Variants in ANGEL2 observed in about 807,000 individuals in gnomAD.
The protein encoded by ANGEL2 is angel homolog 2.
Under a neutral mutation model 66.0 loss-of-function variants are expected in ANGEL2, and 41 were observed. The ratio of observed to expected loss-of-function variants is 0.62; its 90% CI spans 0.48 to 0.81. ANGEL2 has a LOEUF of 0.81. Among genes scored for constraint, ANGEL2 ranks in the 30% least tolerant of loss-of-function variants. The pLI, the probability that ANGEL2 is intolerant of heterozygous loss-of-function variation, is 0.00. For missense variants in ANGEL2, 561 were observed against 641.6 expected (o/e 0.87, Z 1.36); for synonymous variants, 208 against 226.5 (o/e 0.92, Z 0.73).
intron 5 of ANGEL2, among the ~76,000 whole-genome samples, chr1:213,004,525 G>A (rs2076264904): frequency 1.3e-5 from 2 of 150,848 alleles, no homozygotes; most frequent in Admixed American, 6.6e-5. Flanking sequence ...CAAGCAGTAT[G>A]TTGCCACAGA....
intron 1 of ANGEL2, among the ~76,000 whole-genome samples, chr1:213,014,603 C>G (rs2076590468): frequency 6.6e-6 from 1 of 152,158 alleles, no homozygotes; most frequent in Non-Finnish European, 1.5e-5. Context: ...ACTACAAAAG[C>G]TATTATCTAT....
rs2076021698 is a variant in ANGEL2, at chr1:212,996,636, AAAAAATATATATATATATAT to A, written c.1483+499_1483+518del. 1.4e-4 allele frequency among the ~76,000 whole-genome samples: 6 copies of A among 41,950 alleles called. No homozygotes were observed. In the South Asian group the frequency reaches 6.1e-3, roughly 43 times the overall value. The allele number at this position is 41,950 out of a possible 152,430, so 27.5% of individuals were successfully genotyped here. ...AGACTCTGTATCCAAAAAAAAAAAAAAAAAATATATATATATATATATATATATATATATACTTTTCCTCC... is the reference window on the plus strand; with the variant it reads ...AGACTCTGTATCCAAAAAAAAAAAAAATATATATATATATACTTTTCCTCC... On this transcript the variant is annotated intron_variant, in intron 8 of 8. Coordinates refer to ENST00000366962, the MANE Select transcript of ANGEL2 (RefSeq NM_144567.5).
At chr1:213,011,337 C>A in intron 2 of ANGEL2, 2 of 1,239,750 alleles carry the variant, frequency 1.6e-6, no homozygotes, top group Non-Finnish European at 2.1e-6. Flanking sequence ...ACAAATCCTT[C>A]AAATACCACT....
At chr1:213,000,430 C>T in intron 6 of ANGEL2, 47 bp from the exon 7 acceptor site, 2 of 1,506,556 alleles carry the variant, frequency 1.3e-6, no homozygotes, top group Non-Finnish European at 9.2e-7. Context: ...TCTAGTTTGC[C>T]TTAATATCGT....
chr1:212,999,648 T>C (rs1455572801), intron 7 of ANGEL2, among the ~76,000 whole-genome samples: 1 of 152,190 alleles, frequency 6.6e-6, no homozygotes, highest in Non-Finnish European at 1.5e-5. Flanking sequence ...AATCAAGATA[T>C]TTCAAGAATC....
In ANGEL2 at chr1:212,992,744, A is replaced by C. The variant is rs963419908; in HGVS notation, c.*2297T>G. ...ACAATATATTAATCAGGATATAAAA[A>C]ATTAAATTTTCACAGAGGTTTTCAG... is the stretch of plus-strand genomic sequence containing the variant. On this transcript the variant is annotated 3_prime_UTR_variant, in exon 9 of 9. Coordinates refer to ENST00000366962, the MANE Select transcript of ANGEL2 (RefSeq NM_144567.5). 1 of 152,228 alleles carries C rather than the reference A, an allele frequency of 6.6e-6. No homozygotes were observed. Among genetic ancestry groups the C allele is most frequent in the African/African-American group, 2.4e-5 (1 of 41,462 alleles). 9.4% of individuals were successfully genotyped at this position (152,228 alleles called of 1,614,324 possible).
chr1:213,005,277 G>C lies in ANGEL2; in HGVS notation c.890C>G (p.Pro297Arg), dbSNP rs1439133985. 5 of 1,614,116 alleles carry C rather than the reference G, an allele frequency of 3.1e-6. No homozygotes were observed. In the Admixed American group the frequency reaches 8.3e-5, roughly 27 times the overall value. The part of the protein sequence containing the change: ...GLVLLLQPKI[P>R]YAACPAICVA... ...GCAGATTGCAGGGCAGGCAGCATAT[G>C]GAATTTTGGGCTGTAAGAGTAAAAC... The change falls in exon 5 of 9, where the codon CCA becomes CGA. Residue 297 changes from proline (P) to arginine (R), a missense_variant. Pro to Arg is a moderately radical substitution (Grantham distance 103). Coordinates refer to ENST00000366962, the MANE Select transcript of ANGEL2 (RefSeq NM_144567.5).
At chr1:212,999,424 T>C (rs2076117916) in intron 7 of ANGEL2, among the ~76,000 whole-genome samples, 2 of 152,238 alleles carry the variant, frequency 1.3e-5, no homozygotes, top group South Asian at 2.1e-4. Context: ...GTTTTTACTA[T>C]ATTGAAAGGT....
Position 212,992,215 on chromosome 1 carries a change from G to A in ANGEL2, c.*2826C>T, listed in dbSNP as rs1270880820. Reference sequence around the variant, plus strand: ...TAATAGTTTATTACCTAACTTACAGGTACAAAGTGCAAATGACTTGACGCC... The same window carrying A: ...TAATAGTTTATTACCTAACTTACAGATACAAAGTGCAAATGACTTGACGCC... On this transcript the variant is annotated 3_prime_UTR_variant, in exon 9 of 9. Coordinates refer to ENST00000366962, the MANE Select transcript of ANGEL2 (RefSeq NM_144567.5). The A allele has an allele frequency of 6.6e-6, 1 of 152,100 alleles. No individual in the cohort carries two copies. Among genetic ancestry groups the A allele is most frequent in the Admixed American group, 6.6e-5 (1 of 15,266 alleles). The allele number at this position is 152,100 out of a possible 1,614,324, so 9.4% of individuals were successfully genotyped here. A position where few individuals can be genotyped will look rare whatever the true frequency, so the allele number is the denominator to read the frequency against.
At chr1:213,014,019 C>T (rs2076574901) in intron 1 of ANGEL2, among the ~76,000 whole-genome samples, 2 of 152,144 alleles carry the variant, frequency 1.3e-5, no homozygotes, top group South Asian at 4.1e-4. Context: ...CTTTTTTAAG[C>T]ATGATTCTCG....
At chr1:213,007,049 G>GT in intron 4 of ANGEL2, 80 bp downstream of exon 4, 1 of 1,325,718 alleles carries the variant, frequency 7.5e-7, no homozygotes, top group East Asian at 2.3e-5. Flanking sequence ...AGCCATGATT[G>GT]TGCCACTGCA....
At position 212,997,203 on chromosome 1, in the gene ANGEL2, CCA is replaced by C; in HGVS notation, c.1433_1434del (p.Val478GlyfsTer19). On this transcript the variant is annotated frameshift_variant, in exon 8 of 9. Transcript: ENST00000366962. LOFTEE classifies it high-confidence loss of function. ...TTTTCTGCAGAGTAGAAAATATAAT[CCA>C]CAGTTATGGCACTTCGGGAATGACA... is the stretch of plus-strand genomic sequence containing the variant. Reference protein sequence around the residue: ...TTCHSRSAITVDYIFYSAEKE... With the variant: ...TTCHSRSAITXDYIFYSAEKE... The C allele has an allele frequency of 6.2e-7, 1 of 1,613,862 alleles. No homozygotes were observed. Among genetic ancestry groups the C allele is most frequent in the Non-Finnish European group, 8.5e-7 (1 of 1,179,818 alleles).
rs2075942207 is a variant in ANGEL2 at position 212,994,338 on chromosome 1, T to A, written c.*703A>T. On this transcript the variant is annotated 3_prime_UTR_variant, in exon 9 of 9. Transcript: ENST00000366962. ...TAAAAATGCTAGGGAAACAAAGGTA[T>A]ATCCCCAGTCTCTGCCTCTATTAAG... is the stretch of plus-strand genomic sequence containing the variant. 1 of 152,150 alleles carries A rather than the reference T, an allele frequency of 6.6e-6. No homozygotes were observed. The highest frequency in any genetic ancestry group is 1.5e-5 in the Non-Finnish European group (1 of 68,042). 9.4% of individuals were successfully genotyped at this position (152,150 alleles called of 1,614,324 possible).
At chr1:213,009,595 T>C (rs935525368) in intron 2 of ANGEL2, among the ~76,000 whole-genome samples, 1 of 152,210 alleles carries the variant, frequency 6.6e-6, no homozygotes, top group Non-Finnish European at 1.5e-5. Flanking sequence ...TACACTTATA[T>C]AGAGGGTGAA....
intron 5 of ANGEL2, chr1:213,001,548 G>A (rs2076178725): frequency 6.6e-6 from 1 of 152,160 alleles, no homozygotes. Context: ...TTAAAGTGGG[G>A]GTTGGCTGTG....
At chr1:213,003,448 T>C (rs2076233473) in intron 5 of ANGEL2, among the ~76,000 whole-genome samples, 1 of 152,166 alleles carries the variant, frequency 6.6e-6, no homozygotes, top group Admixed American at 6.5e-5. Context: ...CATGTGAGTC[T>C]TCCTTCTACT....
chr1:212,996,442 T>A (rs929849298), intron 8 of ANGEL2, among the ~76,000 whole-genome samples: 49 of 150,580 alleles, frequency 3.3e-4, no homozygotes, highest in African/African-American at 1.2e-3. Flanking sequence ...GGCAACACGG[T>A]GAAACCCTGT....
chr1:213,011,346 C>T (rs1016656052), intron 2 of ANGEL2: 104 of 1,199,816 alleles, frequency 8.7e-5, no homozygotes, highest in Non-Finnish European at 1.1e-4. Flanking sequence ...TCAAATACCA[C>T]TTTAAAGTGA....
At position 213,015,866 on chromosome 1, in the gene ANGEL2, A is replaced by C; in HGVS notation, c.-195T>G. The C allele has an allele frequency of 1.5e-6, 1 of 646,358 alleles. No individual in the cohort carries two copies. Among genetic ancestry groups the C allele is most frequent in the Non-Finnish European group, 2.6e-6 (1 of 381,706 alleles). The allele number at this position is 646,358 out of a possible 1,614,324, so 40.0% of individuals were successfully genotyped here. A position where few individuals can be genotyped will look rare whatever the true frequency, so the allele number is the denominator to read the frequency against. ...CATCTTGCGCAGTCAGAGTCCCTGAATGCCTTAACCCGGAATTCTGCTCAA... is the reference window on the plus strand; with the variant it reads ...CATCTTGCGCAGTCAGAGTCCCTGACTGCCTTAACCCGGAATTCTGCTCAA... On this transcript the variant is annotated 5_prime_UTR_variant, in exon 1 of 9. Transcript: ENST00000366962.
Sources: gnomAD v4.1 joint callset for allele counts (sites outside exome capture counted in the v4.1 genomes callset) on GRCh38, gnomAD v4.1.1 for gene constraint, MANE v1.5 for transcripts, NCBI Gene and HGNC (gene_info 2026-07-23, HGNC 2026-07-21) for gene names.